CUEDC1: variants seen among roughly 807,000 people sequenced by gnomAD.
CUEDC1 encodes the protein CUE domain containing 1.
Under a neutral mutation model 43.7 loss-of-function variants are expected in CUEDC1, and 30 were observed. That is an observed-to-expected ratio of 0.69 (90% CI 0.51 to 0.93). CUEDC1 has a LOEUF of 0.93. CUEDC1 is among the 40% of genes least tolerant of loss of function. CUEDC1 has a pLI of 0.00. For missense variants in CUEDC1, 486 were observed against 549.0 expected, an observed-to-expected ratio of 0.89 and a Z score of 1.15; for synonymous variants, 223 against 223.6, an observed-to-expected ratio of 1.00 and a Z score of 0.02.
Position 57,872,827 on chromosome 17 carries a change from C to T in CUEDC1, c.620G>A (p.Ser207Asn). The T allele has an allele frequency of 6.2e-7, 1 of 1,613,802 alleles. No homozygotes were observed. Among genetic ancestry groups the T allele is most frequent in the Non-Finnish European group, 8.5e-7 (1 of 1,179,890 alleles). Residue 207 changes from serine (S) to asparagine (N), a missense_variant, in exon 5 of 11, where the codon AGT (serine) becomes AAT (asparagine). By Grantham distance (46) the Ser-to-Asn change is conservative. Transcript: ENST00000577830. ...QGNAGGPKPG[S>N]GEGCPPAMAG... ...CATGGCAGGTGGACATCCCTCTCCA[C>T]TCCCAGGCTTGGGGCCCCCAGCGTT...
At chr17:57,921,878 C>G (rs531442425) in intron 1 of CUEDC1, among the ~76,000 whole-genome samples, 1 of 152,290 alleles carries the variant, frequency 6.6e-6, no homozygotes, top group South Asian at 2.1e-4. Context: ...TTTAGGAGGC[C>G]AAGATGGGCG....
intron 1 of CUEDC1, among the ~76,000 whole-genome samples, chr17:57,917,395 A>G (rs1260177620): frequency 6.6e-6 from 1 of 152,240 alleles, no homozygotes; most frequent in Non-Finnish European, 1.5e-5. Flanking sequence ...ACATGTGGTC[A>G]TCCTGGGACG....
At chr17:57,933,395 G>A (rs2074828826) in intron 1 of CUEDC1, among the ~76,000 whole-genome samples, 1 of 152,150 alleles carries the variant, frequency 6.6e-6, no homozygotes, top group Non-Finnish European at 1.5e-5. Flanking sequence ...TCTCCACAAA[G>A]CTGTATGCAG....
At chr17:57,896,487 G>GGGGGGT (rs375270781) in intron 1 of CUEDC1, among the ~76,000 whole-genome samples, 1,401 of 130,364 alleles carry the variant, frequency 0.011, 29 homozygotes, top group Middle Eastern at 0.023. Flanking sequence ...TGCATTATGG[G>GGGGGGT]GTGTGTGTGT....
chr17:57,884,801 C>T (rs1262370844), intron 2 of CUEDC1, among the ~76,000 whole-genome samples: 1 of 152,252 alleles, frequency 6.6e-6, no homozygotes, highest in Non-Finnish European at 1.5e-5. Context: ...ACTCGCGCTT[C>T]TAGTCCACAC....
intron 1 of CUEDC1, among the ~76,000 whole-genome samples, chr17:57,952,838 G>A (rs1333865568): frequency 6.6e-6 from 1 of 152,136 alleles, no homozygotes; most frequent in African/African-American, 2.4e-5. Context: ...CAGTCCCAAG[G>A]TAGAGAAGTC....
At chr17:57,871,443 G>C (rs979558239) in intron 5 of CUEDC1, 74 bp from the exon 6 acceptor site, 18 of 1,278,478 alleles carry the variant, frequency 1.4e-5, no homozygotes, top group Non-Finnish European at 2.0e-5. Context: ...GCTGGGACAC[G>C]GTAGTTTGCT....
chr17:57,881,937 C>A (rs923913312), intron 2 of CUEDC1, among the ~76,000 whole-genome samples: 9 of 152,156 alleles, frequency 5.9e-5, no homozygotes, highest in African/African-American at 9.7e-5. Context: ...GGAGAGTAAC[C>A]CCAGCAGCAC....
Position 57,879,665 on chromosome 17 carries a change from T to TC in CUEDC1, c.409_410insG (p.His137ArgfsTer48). 6.2e-7 allele frequency: 1 copy of TC among 1,602,948 alleles called. No individual in the cohort carries two copies. The highest frequency in any genetic ancestry group is 8.5e-7 in the Non-Finnish European group (1 of 1,176,194). On this transcript the variant is annotated frameshift_variant, in exon 3 of 11. Coordinates refer to ENST00000577830, the MANE Select transcript of CUEDC1 (RefSeq NM_001271875.2). LOFTEE classifies it high-confidence loss of function. ...GTAGGGCCGGTCGAACACGTGCATG[T>TC]GGTAGGCTGGCGGGGAGTACACAGG...
intron 1 of CUEDC1, among the ~76,000 whole-genome samples, chr17:57,940,921 C>T (rs1178454701): frequency 6.6e-6 from 1 of 152,194 alleles, no homozygotes; most frequent in Non-Finnish European, 1.5e-5. Flanking sequence ...TAACCTGAGC[C>T]CCAGAGAAGC....
At chr17:57,877,160 G>C (rs955122827) in intron 3 of CUEDC1, among the ~76,000 whole-genome samples, 2 of 152,196 alleles carry the variant, frequency 1.3e-5, no homozygotes, top group East Asian at 1.9e-4. Context: ...AGAACCTCAA[G>C]CAAGAGCAGT....
chr17:57,869,104 G>A lies in CUEDC1; in HGVS notation c.940+18C>T, dbSNP rs1423189680. The A allele has an allele frequency of 8.7e-6, 14 of 1,613,118 alleles. No homozygotes were observed. Among genetic ancestry groups the A allele is most frequent in the Non-Finnish European group, 1.2e-5 (14 of 1,179,502 alleles). On this transcript the variant is annotated intron_variant, in intron 7 of 10. Transcript: ENST00000577830. Reference sequence around the variant, plus strand: ...TCAGAAAAGCTGGGGAGGGAAGCGGGGCCTGAGTGGGACTCACACTTTCCC... The same window carrying A: ...TCAGAAAAGCTGGGGAGGGAAGCGGAGCCTGAGTGGGACTCACACTTTCCC...
At chr17:57,937,609 CA>C (rs202052148) in intron 1 of CUEDC1, among the ~76,000 whole-genome samples, 148 of 123,112 alleles carry the variant, frequency 1.2e-3, no homozygotes, top group South Asian at 8.1e-3. Context: ...GACCCTGTCT[CA>C]AAAAAAAAAA....
At chr17:57,950,813 C>T (rs896188322) in intron 1 of CUEDC1, among the ~76,000 whole-genome samples, 1 of 152,230 alleles carries the variant, frequency 6.6e-6, no homozygotes, top group Admixed American at 6.5e-5. Flanking sequence ...GCCCCGATCT[C>T]CTGACTAGGT....
chr17:57,867,414 G>A lies in CUEDC1; in HGVS notation c.1036C>T (p.Leu346=). 6.4e-7 allele frequency: 1 copy of A among 1,552,348 alleles called. No homozygotes were observed. Among genetic ancestry groups the A allele is most frequent in the Non-Finnish European group, 8.7e-7 (1 of 1,147,302 alleles). ...KRKHLLKHQS[L]GAAASTANLL... is the part of the protein sequence containing the mutation. ...TTGGCTGTTGACGCGGCAGCCCCCA[G>A]CCTGCCAGGCCATTCAGGAAAACCG... Residue 346 remains leucine (L), a splice_region_variant and synonymous_variant, in exon 9 of 11, where the codon CTG becomes TTG. Transcript: ENST00000577830.
intron 2 of CUEDC1, among the ~76,000 whole-genome samples, chr17:57,880,583 CT>C (rs771248207): frequency 5.3e-5 from 8 of 152,158 alleles, no homozygotes; most frequent in Non-Finnish European, 8.8e-5. Flanking sequence ...TGGGCAAAGT[CT>C]GGGGTCCTGC....
At chr17:57,928,038 C>G (rs1295565940) in intron 1 of CUEDC1, among the ~76,000 whole-genome samples, 3 of 152,224 alleles carry the variant, frequency 2.0e-5, no homozygotes, top group South Asian at 2.1e-4. Context: ...ACAGGGCACT[C>G]AGGTAGTCAC....
intron 1 of CUEDC1, among the ~76,000 whole-genome samples, chr17:57,950,279 T>C (rs1420689273): frequency 6.6e-6 from 1 of 151,670 alleles, no homozygotes; most frequent in African/African-American, 2.4e-5. Flanking sequence ...GCTTCCCAAG[T>C]AGCTGGGACT....
chr17:57,927,389 G>A (rs1176758815), intron 1 of CUEDC1, among the ~76,000 whole-genome samples: 5 of 145,466 alleles, frequency 3.4e-5, no homozygotes, highest in Admixed American at 2.8e-4. Flanking sequence ...GAAAGCCTAG[G>A]GAGAAAGAAA....
Sources: gnomAD v4.1 joint callset for allele counts (sites outside exome capture counted in the v4.1 genomes callset) on GRCh38, gnomAD v4.1.1 for gene constraint, MANE v1.5 for transcripts, NCBI Gene and HGNC (gene_info 2026-07-23, HGNC 2026-07-21) for gene names.